Variants in AGPS observed in about 807,000 individuals in gnomAD.
AGPS encodes alkyldihydroxyacetonephosphate synthase, peroxisomal.
AGPS carries 26 observed loss-of-function variants against 90.7 expected under a neutral mutation model. The observed-to-expected ratio is 0.29, with a 90% CI of 0.21 to 0.40. The LOEUF is 0.40. Ranked by LOEUF, AGPS falls within the 10% of genes least tolerant of loss-of-function variation. The probability of loss-of-function intolerance (pLI) is 1.00; values close to 1 mark genes in which losing one functional copy is unlikely to be tolerated. For synonymous variants in AGPS, 294 were observed against 285.3 expected (o/e 1.03, Z -0.31); for missense variants, 540 against 816.1 (o/e 0.66, Z 4.12).
chr2:177,499,973 T>C (rs1266877079), intron 14 of AGPS, among the ~76,000 whole-genome samples: 1 of 151,874 alleles, frequency 6.6e-6, no homozygotes, highest in East Asian at 1.9e-4. Context: ...TGTCTAATCA[T>C]ATATATATTA....
chr2:177,456,197 G>A (rs189870006), intron 8 of AGPS, among the ~76,000 whole-genome samples: 2 of 152,222 alleles, frequency 1.3e-5, no homozygotes, highest in East Asian at 3.9e-4. Flanking sequence ...GGAACGTGGT[G>A]GGTGAATATT....
At chr2:177,445,509 T>C (rs777195724) in intron 7 of AGPS, 37 bp from the exon 8 acceptor site, 28 of 1,509,976 alleles carry the variant, frequency 1.9e-5, no homozygotes, top group Non-Finnish European at 2.5e-5. Flanking sequence ...ATATTAGTAG[T>C]TCCTGGAGAT....
chr2:177,527,104 T>C (rs187633811), intron 19 of AGPS, among the ~76,000 whole-genome samples: 128 of 152,288 alleles, frequency 8.4e-4, no homozygotes, highest in Non-Finnish European at 1.6e-3. Context: ...ATGACAGGCT[T>C]TGAGAAGAGA....
chr2:177,438,235 G>A (rs1197597406), intron 5 of AGPS, among the ~76,000 whole-genome samples: 3 of 152,000 alleles, frequency 2.0e-5, no homozygotes, highest in African/African-American at 7.3e-5. Context: ...TACCTTCTAG[G>A]CATTTTCTTC....
chr2:177,473,614 T>C (rs1279938964), intron 10 of AGPS, among the ~76,000 whole-genome samples: 1 of 152,226 alleles, frequency 6.6e-6, no homozygotes, highest in Non-Finnish European at 1.5e-5. Context: ...TTTAAGTAGT[T>C]TTATATCACT....
rs371154486 is a variant in AGPS, at chr2:177,499,600, ATT to A, written c.1363-6_1363-5del. On this transcript the variant is annotated splice_polypyrimidine_tract_variant and intron_variant, in intron 13 of 19. Transcript: ENST00000264167. ...GGATAAGACTTATCTGTAATAATAA[ATT>A]TTTTTTTTTTTGTAGTTTAAAGGAT... The A allele has an allele frequency of 3.3e-4, 362 of 1,108,350 alleles. No homozygotes were observed. Among genetic ancestry groups the A allele is most frequent in the Non-Finnish European group, 3.8e-4 (299 of 783,048 alleles). 68.7% of individuals were successfully genotyped at this position (1,108,350 alleles called of 1,614,324 possible).
intron 8 of AGPS, among the ~76,000 whole-genome samples, chr2:177,458,745 C>G (rs929994259): frequency 1.3e-5 from 2 of 152,212 alleles, no homozygotes; most frequent in South Asian, 2.1e-4. Context: ...AATGGCCATA[C>G]TGCCCAAAGT....
chr2:177,505,534 CAG>C lies in AGPS; in HGVS notation c.1509_1510del (p.Gly504LeufsTer25). 2 of 1,612,450 alleles carry C rather than the reference CAG, an allele frequency of 1.2e-6. No homozygotes were observed. The highest frequency in any genetic ancestry group is 1.7e-6 in the Non-Finnish European group (2 of 1,178,976). ...GGLAAGEDNGQRGYLLTYVIA... is the reference protein window; with the variant it reads ...GGLAAGEDNGXRGYLLTYVIA... ...GTTGGCAGCTGGAGAAGATAATGGA[CAG>C]AGAGGTTATTTGCTGACCTATGTTA... On this transcript the variant is annotated frameshift_variant, in exon 15 of 20. Coordinates refer to ENST00000264167, the MANE Select transcript of AGPS (RefSeq NM_003659.4). LOFTEE classifies it high-confidence loss of function.
chr2:177,470,890 G>T (rs1426853340), intron 10 of AGPS, among the ~76,000 whole-genome samples: 3 of 151,974 alleles, frequency 2.0e-5, no homozygotes, highest in Non-Finnish European at 4.4e-5. Context: ...ATATTTCCAT[G>T]ACTTTGTATA....
At chr2:177,447,589 C>T (rs1222627615) in intron 8 of AGPS, among the ~76,000 whole-genome samples, 1 of 150,086 alleles carries the variant, frequency 6.7e-6, no homozygotes, top group African/African-American at 2.4e-5. Flanking sequence ...GTATTTTAAC[C>T]TTTCCAAGTT....
chr2:177,415,645 A>G (rs1161407469), intron 1 of AGPS, among the ~76,000 whole-genome samples: 1 of 152,216 alleles, frequency 6.6e-6, no homozygotes, highest in Non-Finnish European at 1.5e-5. Flanking sequence ...CTCACTGTCT[A>G]GAGGACACAG....
At chr2:177,504,317 C>CGTTAT (rs1559075632) in intron 14 of AGPS, among the ~76,000 whole-genome samples, 1 of 25,856 alleles carries the variant, frequency 3.9e-5, no homozygotes, top group South Asian at 1.9e-3. Flanking sequence ...TGTTTTGAAA[C>CGTTAT]TTGGAGGCTT....
chr2:177,501,776 T>C (rs1688567270), intron 14 of AGPS, among the ~76,000 whole-genome samples: 1 of 152,170 alleles, frequency 6.6e-6, no homozygotes, highest in African/African-American at 2.4e-5. Context: ...CAAGTGATTG[T>C]CCTGCCTCAG....
intron 14 of AGPS, among the ~76,000 whole-genome samples, chr2:177,500,554 A>T (rs559587426): frequency 5.5e-4 from 84 of 151,544 alleles, no homozygotes; most frequent in Middle Eastern, 3.4e-3. Context: ...ACTTTTATGT[A>T]TTTTTTTTCA....
chr2:177,408,619 A>C (rs890283053), intron 1 of AGPS, among the ~76,000 whole-genome samples: 1 of 152,004 alleles, frequency 6.6e-6, no homozygotes, highest in Non-Finnish European at 1.5e-5. Context: ...GAGTGCTGCC[A>C]CTTTGCCCTC....
At chr2:177,488,142 G>A (rs982028741) in intron 11 of AGPS, among the ~76,000 whole-genome samples, 1 of 151,748 alleles carries the variant, frequency 6.6e-6, no homozygotes, top group Non-Finnish European at 1.5e-5. Context: ...AGAAGAATTT[G>A]TCTACATTTT....
At position 177,492,916 on chromosome 2, in the gene AGPS, T is replaced by TAAA. The variant is rs60954001; in HGVS notation, c.1234-232_1234-231insAAA. Among the ~76,000 whole-genome samples, 96,319 of 151,360 alleles carry TAAA rather than the reference T, an allele frequency of 0.64. 32,612 individuals are homozygous for TAAA. The highest frequency in any genetic ancestry group is 0.74 in the Admixed American group (11,291 of 15,206). Reference sequence around the variant, plus strand: ...GATAAATTTAAAATCTGTTAACTTATGTTTGTATTTATTTATCTATATCTG... The same window carrying TAAA: ...GATAAATTTAAAATCTGTTAACTTATAAAGTTTGTATTTATTTATCTATATCTG... On this transcript the variant is annotated intron_variant, in intron 11 of 19. Coordinates refer to ENST00000264167, the MANE Select transcript of AGPS (RefSeq NM_003659.4).
chr2:177,488,784 C>T (rs112302800), intron 11 of AGPS, among the ~76,000 whole-genome samples: 25 of 152,166 alleles, frequency 1.6e-4, no homozygotes, highest in Non-Finnish European at 3.2e-4. Context: ...TGGATTTACC[C>T]TTTGAGGAAA....
At chr2:177,438,350 C>T (rs914612362) in intron 5 of AGPS, among the ~76,000 whole-genome samples, 8 of 152,048 alleles carry the variant, frequency 5.3e-5, no homozygotes, top group South Asian at 2.1e-4. Flanking sequence ...GCCTGAAGTT[C>T]GAGTCTAGCC....
Sources: gnomAD v4.1 joint callset for allele counts (sites outside exome capture counted in the v4.1 genomes callset) on GRCh38, gnomAD v4.1.1 for gene constraint, MANE v1.5 for transcripts, NCBI Gene and HGNC (gene_info 2026-07-23, HGNC 2026-07-21) for gene names.